Variants in CLEC2L observed in about 807,000 individuals in gnomAD.
CLEC2L encodes C-type lectin domain family 2, member L.
Under a neutral mutation model 23.6 loss-of-function variants are expected in CLEC2L, and 14 were observed. The observed-to-expected ratio is 0.59, with a 90% CI of 0.39 to 0.93. CLEC2L has a LOEUF of 0.93. Among genes scored for constraint, CLEC2L ranks in the 40% least tolerant of loss-of-function variants. The pLI, the probability that CLEC2L is intolerant of heterozygous loss-of-function variation, is 0.00. For synonymous variants in CLEC2L, 114 were observed against 121.3 expected, an observed-to-expected ratio of 0.94 and a Z score of 0.40; for missense variants, 264 against 282.4, an observed-to-expected ratio of 0.93 and a Z score of 0.47.
At chr7:139,526,163 C>A (rs1208322887) in intron 1 of CLEC2L, among the ~76,000 whole-genome samples, 1 of 152,154 alleles carries the variant, frequency 6.6e-6, no homozygotes, top group African/African-American at 2.4e-5. Flanking sequence ...CTCCCTTCTG[C>A]CAGTTCTCTG....
At chr7:139,526,806 G>T (rs1355336261) in intron 1 of CLEC2L, among the ~76,000 whole-genome samples, 1 of 152,222 alleles carries the variant, frequency 6.6e-6, no homozygotes, top group Non-Finnish European at 1.5e-5. Flanking sequence ...GCCTCCTGCA[G>T]CCCCTGCTGG....
Position 139,544,275 on chromosome 7 carries a change from C to T in CLEC2L, c.578C>T (p.Thr193Ile). 6.2e-7 allele frequency: 1 copy of T among 1,613,584 alleles called. No individual in the cohort carries two copies. The highest frequency in any genetic ancestry group is 8.5e-7 in the Non-Finnish European group (1 of 1,179,738). Residue 193 changes from threonine (T) to isoleucine (I), a missense_variant, in exon 5 of 5, where the codon ACC (threonine) becomes ATC (isoleucine). Transcript: ENST00000422142. ...GGGGAGTGTGTCTTCGTGGAGCCCA[C>T]CAGGCTGGTGTCGACGGAGTGTCTG... Reference protein sequence around the residue: ...GPGECVFVEPTRLVSTECLMT... With the variant: ...GPGECVFVEPIRLVSTECLMT...
At position 139,527,243 on chromosome 7, in the gene CLEC2L, A is replaced by G. The variant is rs148933670; in HGVS notation, c.190+3126A>G. On this transcript the variant is annotated intron_variant, in intron 1 of 4. Coordinates refer to ENST00000422142, the MANE Select transcript of CLEC2L (RefSeq NM_001080511.4). The stretch of plus-strand genomic sequence containing the variant: ...CAAGGACATCCTTGGTTGCTATCAC[A>G]TGAAAGCCCTGTTGTGAAGGCTCTG... Among the ~76,000 whole-genome samples, 112 of 152,250 alleles carry G rather than the reference A, an allele frequency of 7.4e-4. 2 individuals are homozygous for G. The highest frequency in any genetic ancestry group is 2.5e-3 in the African/African-American group (102 of 41,552).
rs1166305655 is a variant in CLEC2L at position 139,540,042 on chromosome 7, G to A, written c.266-279G>A. 8 of 411,804 alleles carry A rather than the reference G, an allele frequency of 1.9e-5. No individual in the cohort carries two copies. The East Asian group carries it at 2.4e-4, about 12-fold the overall frequency. 25.5% of individuals were successfully genotyped at this position (411,804 alleles called of 1,614,324 possible). On this transcript the variant is annotated intron_variant, in intron 2 of 4. Coordinates refer to ENST00000422142, the MANE Select transcript of CLEC2L (RefSeq NM_001080511.4). The surrounding 1 kb of genome is among the most constrained non-coding windows in gnomAD (Gnocchi z 5.8). ...CCTCTTCCCAGTCTGAGTTTCTGGCGTTCCATGCCTCTGGGAGTTTGGAGA... is the reference window on the plus strand; with the variant it reads ...CCTCTTCCCAGTCTGAGTTTCTGGCATTCCATGCCTCTGGGAGTTTGGAGA...
chr7:139,534,619 T>C lies in CLEC2L; in HGVS notation c.191-1655T>C. Reference sequence around the variant, plus strand: ...GAACACAGGTGAGTACGGTGTGCTGTAGCGGAAGTTTTGTATCATAGTAAT... The same window carrying C: ...GAACACAGGTGAGTACGGTGTGCTGCAGCGGAAGTTTTGTATCATAGTAAT... On this transcript the variant is annotated intron_variant, in intron 1 of 4. Transcript: ENST00000422142. 3 of 663,552 alleles carry C rather than the reference T, an allele frequency of 4.5e-6. No individual in the cohort carries two copies. The East Asian group carries it at 7.5e-5, about 17-fold the overall frequency. The allele number at this position is 663,552 out of a possible 1,614,324, so 41.1% of individuals were successfully genotyped here.
At chr7:139,526,364 G>T (rs1241610525) in intron 1 of CLEC2L, among the ~76,000 whole-genome samples, 1 of 152,006 alleles carries the variant, frequency 6.6e-6, no homozygotes, top group Non-Finnish European at 1.5e-5. Context: ...AGAGAGAGAC[G>T]GGTCTGGCGG....
chr7:139,523,845 G>T lies in CLEC2L; in HGVS notation c.-83G>T. The T allele has an allele frequency of 1.1e-6, 1 of 939,618 alleles. No homozygotes were observed. The highest frequency in any genetic ancestry group is 1.3e-6 in the Non-Finnish European group (1 of 790,996). The allele number at this position is 939,618 out of a possible 1,614,324, so 58.2% of individuals were successfully genotyped here. ...GAGGCCGGCCTGGGGGGCCCGCAGGGCGCGCGGAGCGCCGAGTGCGCGTCG... is the reference window on the plus strand; with the variant it reads ...GAGGCCGGCCTGGGGGGCCCGCAGGTCGCGCGGAGCGCCGAGTGCGCGTCG... On this transcript the variant is annotated 5_prime_UTR_variant, in exon 1 of 5. Coordinates refer to ENST00000422142, the MANE Select transcript of CLEC2L (RefSeq NM_001080511.4). This position sits in a 1 kb window ranked among gnomAD's most constrained non-coding sequence, Gnocchi z 4.1.
At chr7:139,534,449 G>C in intron 1 of CLEC2L, 1 of 838,902 alleles carries the variant, frequency 1.2e-6, no homozygotes. Context: ...TCAGCTGCCT[G>C]GTTTACCGAG....
Position 139,544,565 on chromosome 7 carries a change from A to G in CLEC2L, c.*223A>G. On this transcript the variant is annotated 3_prime_UTR_variant, in exon 5 of 5. Transcript: ENST00000422142. ...GTGTGGCTCAGCAGTTAAATCCCAT[A>G]TGCTAGGTAGTGTAGGCATCTGCCC... 1.7e-6 allele frequency: 1 copy of G among 574,576 alleles called. No individual in the cohort carries two copies. The highest frequency in any genetic ancestry group is 3.1e-6 in the Non-Finnish European group (1 of 321,118). 35.6% of individuals were successfully genotyped at this position (574,576 alleles called of 1,614,324 possible).
intron 2 of CLEC2L, among the ~76,000 whole-genome samples, chr7:139,536,679 T>G (rs541845905): frequency 1.3e-5 from 2 of 151,996 alleles, no homozygotes; most frequent in Non-Finnish European, 2.9e-5. Context: ...TAAGGGCCTT[T>G]AAGGATCATA....
chr7:139,524,264 T>C (rs1477565721), intron 1 of CLEC2L, 147 bp downstream of exon 1: 4 of 725,574 alleles, frequency 5.5e-6, no homozygotes, highest in Non-Finnish European at 6.7e-6. Flanking sequence ...AGTCATTCAT[T>C]TCAGGGCGGC....
intron 1 of CLEC2L, among the ~76,000 whole-genome samples, chr7:139,533,921 G>T (rs1797616395): frequency 6.6e-6 from 1 of 152,140 alleles, no homozygotes; most frequent in Non-Finnish European, 1.5e-5. Flanking sequence ...TATGATTTAT[G>T]TATAACATTG....
At position 139,523,934 on chromosome 7, in the gene CLEC2L, C is replaced by A; in HGVS notation, c.7C>A (p.Pro3Thr). 2.0e-6 allele frequency: 2 copies of A among 975,668 alleles called. No homozygotes were observed. The highest frequency in any genetic ancestry group is 2.4e-6 in the Non-Finnish European group (2 of 824,588). The allele number at this position is 975,668 out of a possible 1,614,324, so 60.4% of individuals were successfully genotyped here. Residue 3 changes from proline (P) to threonine (T), a missense_variant, in exon 1 of 5, where the codon CCG becomes ACG. Physicochemically the swap from Pro to Thr is conservative, Grantham distance 38. Transcript: ENST00000422142. This position sits in a 1 kb window ranked among gnomAD's most constrained non-coding sequence, Gnocchi z 4.1. ...GCGCGGCGGAGCGCCCCGCATGGAG[C>A]CGGCCCGGGAGCCCCCCTCGCGGGC... ME[P>T]AREPPSRARP...
chr7:139,535,690 T>C (rs1478587786), intron 1 of CLEC2L, among the ~76,000 whole-genome samples: 1 of 151,926 alleles, frequency 6.6e-6, no homozygotes, highest in African/African-American at 2.4e-5. Flanking sequence ...AGAGGATGGA[T>C]GGTGTAGAGG....
chr7:139,528,028 T>C (rs1797529585), intron 1 of CLEC2L, among the ~76,000 whole-genome samples: 1 of 152,132 alleles, frequency 6.6e-6, no homozygotes, highest in South Asian at 2.1e-4. Flanking sequence ...CCTTCTAAAA[T>C]TAGGTGAAAT....
At position 139,539,061 on chromosome 7, in the gene CLEC2L, G is replaced by A. The variant is rs929906174; in HGVS notation, c.266-1260G>A. On this transcript the variant is annotated intron_variant, in intron 2 of 4. Coordinates refer to ENST00000422142, the MANE Select transcript of CLEC2L (RefSeq NM_001080511.4). This position sits in a 1 kb window ranked among gnomAD's most constrained non-coding sequence, Gnocchi z 4.1. Reference sequence around the variant, plus strand: ...TGTCGATGAATGAATTGGTGTCTGTGTGGCTGGAGATCCCCAGGGGCTTGA... The same window carrying A: ...TGTCGATGAATGAATTGGTGTCTGTATGGCTGGAGATCCCCAGGGGCTTGA... The A allele has an allele frequency of 1.3e-5, 2 of 152,254 alleles. No homozygotes were observed. The highest frequency in any genetic ancestry group is 2.9e-5 in the Non-Finnish European group (2 of 68,082). The allele number at this position is 152,254 out of a possible 1,614,324, so 9.4% of individuals were successfully genotyped here.
rs781700754 is a variant in CLEC2L, at chr7:139,540,533, G to A, written c.432+46G>A. 1 of 1,552,376 alleles carries A rather than the reference G, an allele frequency of 6.4e-7. No individual in the cohort carries two copies. The highest frequency in any genetic ancestry group is 1.4e-5 in the African/African-American group (1 of 73,410). ...GGGGTTGGGGGAAGGGACCCTCAGG[G>A]CCCCCAACCTTGACTCTAGGGGACA... is the stretch of plus-strand genomic sequence containing the variant. On this transcript the variant is annotated intron_variant, in intron 3 of 4. Transcript: ENST00000422142. This position sits in a 1 kb window ranked among gnomAD's most constrained non-coding sequence, Gnocchi z 5.8.
At chr7:139,542,374 G>T (rs1385558383) in intron 4 of CLEC2L, among the ~76,000 whole-genome samples, 1 of 152,202 alleles carries the variant, frequency 6.6e-6, no homozygotes, top group Non-Finnish European at 1.5e-5. Flanking sequence ...CCGGCCCAGG[G>T]TCTCTCCACC....
chr7:139,539,862 G>T lies in CLEC2L; in HGVS notation c.266-459G>T, dbSNP rs2116324279. The T allele has an allele frequency of 5.6e-6, 1 of 179,000 alleles. No individual in the cohort carries two copies. Among genetic ancestry groups the T allele is most frequent in the East Asian group, 1.5e-4 (1 of 6,462 alleles). 11.1% of individuals were successfully genotyped at this position (179,000 alleles called of 1,614,324 possible). A position where few individuals can be genotyped will look rare whatever the true frequency, so the allele number is the denominator to read the frequency against. Reference sequence around the variant, plus strand: ...CTTTCCATGCACACTGACAGCAAGGGGGTTAAAAAAATAAAAATGAAAAGA... The same window carrying T: ...CTTTCCATGCACACTGACAGCAAGGTGGTTAAAAAAATAAAAATGAAAAGA... On this transcript the variant is annotated intron_variant, in intron 2 of 4. Coordinates refer to ENST00000422142, the MANE Select transcript of CLEC2L (RefSeq NM_001080511.4). This position sits in a 1 kb window ranked among gnomAD's most constrained non-coding sequence, Gnocchi z 4.1.
Sources: allele counts gnomAD v4.1 joint callset (sites outside exome capture counted in the v4.1 genomes callset), GRCh38; gene constraint gnomAD v4.1.1; non-coding constraint Gnocchi (gnomAD v3.1); transcripts MANE v1.5; gene names NCBI Gene and HGNC (gene_info 2026-07-23, HGNC 2026-07-21).